The following BTBD10 variants were observed in gnomAD, a reference collection of about 807,000 sequenced individuals.
BTBD10 encodes the protein BTB/POZ domain-containing protein 10.
BTBD10 carries 21 observed loss-of-function variants against 53.2 expected under a neutral mutation model. The ratio of observed to expected loss-of-function variants is 0.39; its 90% confidence interval spans 0.28 to 0.57. BTBD10 has a LOEUF of 0.57. Ranked by LOEUF, BTBD10 falls within the 20% of genes least tolerant of loss-of-function variation. BTBD10 has a pLI of 0.53. For synonymous variants in BTBD10, 149 were observed against 192.7 expected, an observed-to-expected ratio of 0.77 and a Z score of 1.88; for missense variants, 360 against 594.7, an observed-to-expected ratio of 0.61 and a Z score of 4.10.
chr11:13,432,303 C>G lies in BTBD10; in HGVS notation c.102-10465G>C, dbSNP rs142806924. Among the ~76,000 whole-genome samples the G allele has an allele frequency of 3.2e-3, 489 of 151,834 alleles. 4 individuals carry two copies. The highest frequency in any genetic ancestry group is 0.011 in the African/African-American group (447 of 41,432). Reference sequence around the variant, plus strand: ...TGATTGTGGTGGGAGTTACATGAATCTATACATACAATAAAATATCACAGA... The same window carrying G: ...TGATTGTGGTGGGAGTTACATGAATGTATACATACAATAAAATATCACAGA... On this transcript the variant is annotated intron_variant, in intron 2 of 8. Coordinates refer to ENST00000278174, the MANE Select transcript of BTBD10 (RefSeq NM_032320.7).
At chr11:13,394,205 T>C (rs1365856907) in intron 8 of BTBD10, among the ~76,000 whole-genome samples, 1 of 152,198 alleles carries the variant, frequency 6.6e-6, no homozygotes, top group African/African-American at 2.4e-5. Flanking sequence ...CAGATATGGT[T>C]TGGCTCTGTG....
At position 13,388,763 on chromosome 11, in the gene BTBD10, G is replaced by A; in HGVS notation, c.*68C>T. 4 of 1,483,296 alleles carry A rather than the reference G, an allele frequency of 2.7e-6. No homozygotes were observed. The highest frequency in any genetic ancestry group is 2.3e-5 in the East Asian group (1 of 44,018). 91.9% of individuals were successfully genotyped at this position (1,483,296 alleles called of 1,614,324 possible). On this transcript the variant is annotated 3_prime_UTR_variant, in exon 9 of 9. Coordinates refer to ENST00000278174, the MANE Select transcript of BTBD10 (RefSeq NM_032320.7). ...CACAATGAAGAAGAGTGGCCTTGCAGTGCAGAATGAGGAGAGTACAACGTC... is the reference window on the plus strand; with the variant it reads ...CACAATGAAGAAGAGTGGCCTTGCAATGCAGAATGAGGAGAGTACAACGTC...
rs933764927 is a variant in BTBD10, at chr11:13,405,852, G to A, written c.813C>T (p.Ala271=). The change falls in exon 7 of 9, where the codon GCC becomes GCT. Residue 271 remains alanine, a synonymous_variant. Coordinates refer to ENST00000278174, the MANE Select transcript of BTBD10 (RefSeq NM_032320.7). Reference sequence around the variant, plus strand: ...CATCATTTGATAACTCATGCATTAGGGCACCTGAAATGAAATCCACAAAAA... The same window carrying A: ...CATCATTTGATAACTCATGCATTAGAGCACCTGAAATGAAATCCACAAAAA... ...YSTIKCRDLS[A]LMHELSNDGA... is the part of the protein sequence containing the mutation. 1.9e-6 allele frequency: 3 copies of A among 1,611,638 alleles called. No homozygotes were observed. The highest frequency in any genetic ancestry group is 2.7e-5 in the African/African-American group (2 of 74,724).
intron 2 of BTBD10, among the ~76,000 whole-genome samples, chr11:13,422,059 C>T (rs535345831): frequency 5.1e-4 from 77 of 152,068 alleles, no homozygotes; most frequent in African/African-American, 1.8e-3. Context: ...TTTTTATGAA[C>T]GAGAAAACTA....
chr11:13,390,229 C>T (rs941893680), intron 8 of BTBD10, among the ~76,000 whole-genome samples: 1 of 152,172 alleles, frequency 6.6e-6, no homozygotes, highest in Admixed American at 6.5e-5. Flanking sequence ...CTGTAAAGGT[C>T]CAGAGTAAAT....
chr11:13,393,073 G>T (rs553757147), intron 8 of BTBD10, among the ~76,000 whole-genome samples: 7 of 152,250 alleles, frequency 4.6e-5, no homozygotes, highest in South Asian at 4.1e-4. Context: ...AGTGCCTTTT[G>T]GTGGAATTGT....
chr11:13,399,531 C>G (rs1949655299), intron 8 of BTBD10, among the ~76,000 whole-genome samples: 1 of 152,184 alleles, frequency 6.6e-6, no homozygotes, highest in African/African-American at 2.4e-5. Flanking sequence ...TCTTCTGAAG[C>G]CTTCCTCTCT....
intron 7 of BTBD10, chr11:13,405,417 T>C: frequency 5.0e-6 from 2 of 399,592 alleles, no homozygotes; most frequent in South Asian, 4.5e-5. Flanking sequence ...GGCATATTCT[T>C]CTGTACAGGG....
At position 13,388,675 on chromosome 11, in the gene BTBD10, C is replaced by T. The variant is rs939059604; in HGVS notation, c.*156G>A. On this transcript the variant is annotated 3_prime_UTR_variant, in exon 9 of 9. Coordinates refer to ENST00000278174, the MANE Select transcript of BTBD10 (RefSeq NM_032320.7). Reference sequence around the variant, plus strand: ...TGTACTCATTTAAAAAAAAACCATTCAGCTACCTTTGGTCTTTAAAAAAGC... The same window carrying T: ...TGTACTCATTTAAAAAAAAACCATTTAGCTACCTTTGGTCTTTAAAAAAGC... 10 of 740,062 alleles carry T rather than the reference C, an allele frequency of 1.4e-5. No individual in the cohort carries two copies. The African/African-American group carries it at 1.4e-4, about 10-fold the overall frequency. The allele number at this position is 740,062 out of a possible 1,614,324, so 45.8% of individuals were successfully genotyped here.
chr11:13,399,599 T>C lies in BTBD10; in HGVS notation c.1117+3569A>G, dbSNP rs965121404. On this transcript the variant is annotated intron_variant, in intron 8 of 8. Transcript: ENST00000278174. ...GTTCCGTTGCTGGTGAGGAGCTGCATTCCTTTGGAGGAGGAGAGGCGCTCT... is the reference window on the plus strand; with the variant it reads ...GTTCCGTTGCTGGTGAGGAGCTGCACTCCTTTGGAGGAGGAGAGGCGCTCT... Among the ~76,000 whole-genome samples, 12 of 152,222 alleles carry C rather than the reference T, an allele frequency of 7.9e-5. No homozygotes were observed. In the East Asian group the frequency reaches 2.3e-3, roughly 29 times the overall value.
At chr11:13,449,224 T>C (rs760188744) in intron 1 of BTBD10, among the ~76,000 whole-genome samples, 1 of 152,092 alleles carries the variant, frequency 6.6e-6, no homozygotes, top group Admixed American at 6.5e-5. Flanking sequence ...TAATGATAAA[T>C]GGAAGAACAA....
chr11:13,400,738 C>T (rs949742525), intron 8 of BTBD10, among the ~76,000 whole-genome samples: 2 of 152,172 alleles, frequency 1.3e-5, no homozygotes, highest in African/African-American at 2.4e-5. Flanking sequence ...GACTAATACA[C>T]GGACTAAGCC....
At chr11:13,402,739 C>A (rs1949739617) in intron 8 of BTBD10, among the ~76,000 whole-genome samples, 1 of 152,106 alleles carries the variant, frequency 6.6e-6, no homozygotes, top group Non-Finnish European at 1.5e-5. Flanking sequence ...TACTTTAAGA[C>A]ATAAGTAAGC....
Position 13,412,450 on chromosome 11 carries a change from C to G in BTBD10, c.808+1080G>C, listed in dbSNP as rs548191048. 1.1e-4 allele frequency among the ~76,000 whole-genome samples: 16 copies of G among 151,902 alleles called. No homozygotes were observed. In the South Asian group the frequency reaches 1.2e-3, roughly 12 times the overall value. ...CCTGGGTGACACAGCGAGACTCCAT[C>G]TCAAAAACAACAACAACAACAACAA... On this transcript the variant is annotated intron_variant, in intron 6 of 8. Coordinates refer to ENST00000278174, the MANE Select transcript of BTBD10 (RefSeq NM_032320.7).
At chr11:13,402,301 CCAT>C (rs1415242228) in intron 8 of BTBD10, among the ~76,000 whole-genome samples, 2 of 152,184 alleles carry the variant, frequency 1.3e-5, no homozygotes, top group Admixed American at 6.5e-5. Flanking sequence ...TTCATTATCA[CCAT>C]CACAAACATA....
intron 1 of BTBD10, among the ~76,000 whole-genome samples, chr11:13,458,135 C>CAAAAAAAA (rs35036994): frequency 3.2e-5 from 2 of 62,894 alleles, no homozygotes; most frequent in African/African-American, 5.6e-5. Context: ...GACTCCATCT[C>CAAAAAAAA]AAAAAAAAAA....
At chr11:13,397,619 T>A (rs1400126704) in intron 8 of BTBD10, among the ~76,000 whole-genome samples, 1 of 152,202 alleles carries the variant, frequency 6.6e-6, no homozygotes, top group African/African-American at 2.4e-5. Context: ...CTCTAGTTCT[T>A]TTAATTGTGA....
chr11:13,424,375 G>C (rs947354162), intron 2 of BTBD10, among the ~76,000 whole-genome samples: 1 of 152,158 alleles, frequency 6.6e-6, no homozygotes, highest in Non-Finnish European at 1.5e-5. Flanking sequence ...AAACCACTTA[G>C]ATTTTAAACG....
chr11:13,388,020 C>T lies in BTBD10; in HGVS notation c.*811G>A, dbSNP rs1414870802. On this transcript the variant is annotated 3_prime_UTR_variant, in exon 9 of 9. Transcript: ENST00000278174. ...ATGTGGTTATAAATTTGGTCAGAAA[C>T]ATTAAAACAATGGAATTTTATTTTG... The T allele has an allele frequency of 6.6e-6, 1 of 151,150 alleles. No individual in the cohort carries two copies. Among genetic ancestry groups the T allele is most frequent in the Non-Finnish European group, 1.5e-5 (1 of 67,776 alleles). 9.4% of individuals were successfully genotyped at this position (151,150 alleles called of 1,614,324 possible). A position where few individuals can be genotyped will look rare whatever the true frequency, so the allele number is the denominator to read the frequency against.
Sources: allele counts gnomAD v4.1 joint callset (sites outside exome capture counted in the v4.1 genomes callset), GRCh38; gene constraint gnomAD v4.1.1; transcripts MANE v1.5; gene names NCBI Gene and HGNC (gene_info 2026-07-23, HGNC 2026-07-21).